The following PLD5 variants were observed in gnomAD, a reference collection of about 807,000 sequenced individuals.
PLD5 encodes phospholipase D family member 5, also known as inactive phospholipase D5.
PLD5 carries 36 observed loss-of-function variants against 61.1 expected under a neutral mutation model. That is an observed-to-expected ratio of 0.59 (90% confidence interval 0.45 to 0.78). The LOEUF (loss-of-function observed/expected upper bound fraction) is 0.78, where lower values mean the gene tolerates loss of function less well. PLD5 is among the 30% of genes least tolerant of loss of function. PLD5 has a pLI of 0.00. For missense variants in PLD5, 515 were observed against 644.4 expected, an observed-to-expected ratio of 0.80 and a Z score of 2.17; for synonymous variants, 243 against 242.8, an observed-to-expected ratio of 1.00 and a Z score of -0.01.
chr1:242,158,171 C>G (rs1665537807), intron 5 of PLD5, among the ~76,000 whole-genome samples: 1 of 152,186 alleles, frequency 6.6e-6, no homozygotes, highest in African/African-American at 2.4e-5. Flanking sequence ...CAAGCTCAAG[C>G]ATCCCAGGTG....
intron 2 of PLD5, among the ~76,000 whole-genome samples, chr1:242,304,362 C>T (rs984802068): frequency 3.3e-5 from 5 of 152,186 alleles, no homozygotes; most frequent in African/African-American, 4.8e-5. Flanking sequence ...CCACCAAGGG[C>T]GATCAGCATC....
intron 1 of PLD5, among the ~76,000 whole-genome samples, chr1:242,459,499 T>C (rs896297946): frequency 1.3e-5 from 2 of 152,194 alleles, no homozygotes; most frequent in Non-Finnish European, 2.9e-5. Flanking sequence ...GAAAAAATAT[T>C]CTTCAATCCA....
intron 4 of PLD5, among the ~76,000 whole-genome samples, chr1:242,251,507 G>A (rs1197992374): frequency 1.3e-5 from 2 of 152,176 alleles, no homozygotes; most frequent in African/African-American, 4.8e-5. Context: ...TTCCATACCT[G>A]GAAGTCCTCC....
At chr1:242,100,949 T>C (rs372563009) in intron 8 of PLD5, among the ~76,000 whole-genome samples, 167 bp from the exon 9 acceptor site, 3 of 152,202 alleles carry the variant, frequency 2.0e-5, no homozygotes, top group African/African-American at 7.2e-5. Context: ...TGTTCTCAAA[T>C]CTAAATAGGC....
At chr1:242,412,592 C>G (rs190157104) in intron 1 of PLD5, among the ~76,000 whole-genome samples, 2 of 152,104 alleles carry the variant, frequency 1.3e-5, no homozygotes, top group Non-Finnish European at 2.9e-5. Context: ...TTTGGGGATT[C>G]GCTTTTTTCT....
chr1:242,436,643 G>A (rs1666010578), intron 1 of PLD5, among the ~76,000 whole-genome samples: 1 of 152,182 alleles, frequency 6.6e-6, no homozygotes. Flanking sequence ...GAGATTTGAT[G>A]TTTATCGAGC....
intron 1 of PLD5, among the ~76,000 whole-genome samples, chr1:242,487,003 T>C (rs984445194): frequency 6.6e-6 from 1 of 151,798 alleles, no homozygotes; most frequent in African/African-American, 2.4e-5. Context: ...TAGGTGGGAA[T>C]TGAACAATAA....
At chr1:242,122,765 T>C (rs1662481988) in intron 6 of PLD5, among the ~76,000 whole-genome samples, 1 of 152,250 alleles carries the variant, frequency 6.6e-6, no homozygotes, top group Non-Finnish European at 1.5e-5. Context: ...TTTATGTGAA[T>C]TTGTTATTTA....
At chr1:242,454,174 T>C (rs112108720) in intron 1 of PLD5, among the ~76,000 whole-genome samples, 1 of 151,816 alleles carries the variant, frequency 6.6e-6, no homozygotes, top group Admixed American at 6.6e-5. Context: ...CTACTAAAAG[T>C]ACAAAAATAT....
At chr1:242,446,603 C>T (rs1361429832) in intron 1 of PLD5, among the ~76,000 whole-genome samples, 1 of 152,094 alleles carries the variant, frequency 6.6e-6, no homozygotes, top group African/African-American at 2.4e-5. Flanking sequence ...AATTTAACTC[C>T]CTGTCTGAGC....
chr1:242,429,839 T>A (rs1572134575), intron 1 of PLD5, among the ~76,000 whole-genome samples: 1 of 152,330 alleles, frequency 6.6e-6, no homozygotes, highest in Admixed American at 6.5e-5. Flanking sequence ...AAATAAAATT[T>A]ATAGATGCAA....
At chr1:242,092,816 C>A (rs117569650) in intron 9 of PLD5, among the ~76,000 whole-genome samples, 1 of 152,216 alleles carries the variant, frequency 6.6e-6, no homozygotes, top group East Asian at 1.9e-4. Flanking sequence ...CTGGAGCCCT[C>A]GAACATACCG....
intron 5 of PLD5, among the ~76,000 whole-genome samples, chr1:242,176,040 C>T (rs548625880): frequency 2.0e-5 from 3 of 152,264 alleles, no homozygotes; most frequent in South Asian, 2.1e-4. Flanking sequence ...AATGTTATCC[C>T]CATCAAGCTA....
intron 1 of PLD5, among the ~76,000 whole-genome samples, chr1:242,460,170 T>G (rs1210773597): frequency 6.6e-6 from 1 of 152,192 alleles, no homozygotes; most frequent in Non-Finnish European, 1.5e-5. Context: ...TAAAATGTTA[T>G]GTTAAAGAAT....
At chr1:242,406,636 A>G (rs149558952) in intron 1 of PLD5, among the ~76,000 whole-genome samples, 9 of 152,362 alleles carry the variant, frequency 5.9e-5, no homozygotes, top group African/African-American at 2.2e-4. Flanking sequence ...CAGCTCTGAC[A>G]TTAGTTCTGA....
At chr1:242,483,541 G>A (rs1020877533) in intron 1 of PLD5, among the ~76,000 whole-genome samples, 8 of 152,142 alleles carry the variant, frequency 5.3e-5, no homozygotes, top group African/African-American at 1.9e-4. Flanking sequence ...CAATACAGGA[G>A]CACCCACATT....
chr1:242,121,023 TTATG>T (rs1350712195), intron 6 of PLD5, among the ~76,000 whole-genome samples: 33 of 152,206 alleles, frequency 2.2e-4, no homozygotes, highest in African/African-American at 7.0e-4. Context: ...CAAATACTCT[TTATG>T]TATGTGTTCA....
chr1:242,207,896 TTATATA>T (rs1194222946), intron 5 of PLD5, among the ~76,000 whole-genome samples: 763 of 7,598 alleles, frequency 0.1, 234 homozygotes, highest in African/African-American at 0.36. Flanking sequence ...TTATATATAT[TTATATA>T]TTTATATATA....
intron 5 of PLD5, among the ~76,000 whole-genome samples, chr1:242,205,564 T>C (rs1207125867): frequency 6.6e-6 from 1 of 152,240 alleles, no homozygotes; most frequent in African/African-American, 2.4e-5. Flanking sequence ...AGAGAATTAA[T>C]CATTTGTTTT....
Sources: allele counts gnomAD v4.1 joint callset (sites outside exome capture counted in the v4.1 genomes callset), GRCh38; gene constraint gnomAD v4.1.1; transcripts MANE v1.5; gene names NCBI Gene and HGNC (gene_info 2026-07-23, HGNC 2026-07-21).